Variants in SH3BP4 observed in about 807,000 individuals in gnomAD.
SH3BP4 encodes SH3 domain-binding protein 4.
In SH3BP4, 33 loss-of-function variants were observed where a neutral mutation model predicts 65.5. That is an observed-to-expected ratio of 0.50 (90% CI 0.38 to 0.67). The LOEUF (loss-of-function observed/expected upper bound fraction) is 0.67. Among genes scored for constraint, SH3BP4 ranks in the 30% least tolerant of loss-of-function variants. The pLI, the probability that SH3BP4 is intolerant of heterozygous loss-of-function variation, is 0.00. For missense variants in SH3BP4, 1,134 were observed against 1,261.4 expected (o/e 0.90, Z 1.53); for synonymous variants, 552 against 545.5 (o/e 1.01, Z -0.17).
chr2:235,025,623 G>A (rs1390718516), intron 2 of SH3BP4, among the ~76,000 whole-genome samples: 1 of 152,228 alleles, frequency 6.6e-6, no homozygotes, highest in African/African-American at 2.4e-5. Flanking sequence ...AAATTATAAA[G>A]ACAGAGCAGC....
At chr2:234,963,158 GGTACA>G (rs1186787525) in intron 1 of SH3BP4, among the ~76,000 whole-genome samples, 1 of 152,172 alleles carries the variant, frequency 6.6e-6, no homozygotes, top group East Asian at 1.9e-4. Flanking sequence ...TATAGGTACA[GGTACA>G]GTACCCTGTT....
intron 2 of SH3BP4, among the ~76,000 whole-genome samples, chr2:235,012,931 C>T (rs1694561481): frequency 6.6e-6 from 1 of 152,208 alleles, no homozygotes; most frequent in African/African-American, 2.4e-5. Context: ...GCAGGGCTGG[C>T]CTTTCTGCGC....
intron 1 of SH3BP4, among the ~76,000 whole-genome samples, chr2:234,987,340 A>G (rs1211937881): frequency 6.9e-6 from 1 of 145,708 alleles, no homozygotes; most frequent in Non-Finnish European, 1.5e-5. Flanking sequence ...AAAAAAAAAG[A>G]CAGGGTCCCT....
chr2:235,048,361 C>A (rs755329278), intron 4 of SH3BP4, among the ~76,000 whole-genome samples: 1 of 152,146 alleles, frequency 6.6e-6, no homozygotes, highest in African/African-American at 2.4e-5. Flanking sequence ...GAAAAGGTCT[C>A]GCTCTGTCTC....
chr2:234,965,898 G>A (rs112528087), intron 1 of SH3BP4, among the ~76,000 whole-genome samples: 1 of 152,222 alleles, frequency 6.6e-6, no homozygotes, highest in Admixed American at 6.5e-5. Flanking sequence ...GTCCTCTTGT[G>A]CTACTAGGAT....
intron 1 of SH3BP4, among the ~76,000 whole-genome samples, chr2:234,966,756 G>A (rs189800754): frequency 6.6e-6 from 1 of 152,224 alleles, no homozygotes; most frequent in East Asian, 1.9e-4. Context: ...GAATTATAAG[G>A]GTCTTTTGAA....
intron 1 of SH3BP4, among the ~76,000 whole-genome samples, chr2:234,962,896 G>A (rs1692747482): frequency 6.6e-6 from 1 of 151,792 alleles, no homozygotes; most frequent in Non-Finnish European, 1.5e-5. Context: ...TAATATTTTA[G>A]TAGAGACACA....
At chr2:235,010,391 T>A (rs1694442353) in intron 2 of SH3BP4, among the ~76,000 whole-genome samples, 1 of 152,182 alleles carries the variant, frequency 6.6e-6, no homozygotes, top group Non-Finnish European at 1.5e-5. Flanking sequence ...AACTACTCGG[T>A]CCAGCTGTTT....
chr2:234,995,834 C>T (rs1360886754), intron 2 of SH3BP4: 1 of 152,312 alleles, frequency 6.6e-6, no homozygotes, highest in East Asian at 1.9e-4. Context: ...TCACGTCGCC[C>T]TGCGACGAGA....
Position 235,043,206 on chromosome 2 carries a change from G to C in SH3BP4, c.2437G>C (p.Glu813Gln). ...EKLKEDCNNT[E>Q]NKERKSFQKE... ...GCTGAAGGAGGACTGTAACAACACT[G>C]AGAACAAAGAACGGAAGTCCTTCCA... The change falls in exon 4 of 6, where the codon GAG (glutamate) becomes CAG (glutamine). Residue 813 changes from glutamate to glutamine, a missense_variant. Transcript: ENST00000392011. 1 of 1,594,298 alleles carries C rather than the reference G, an allele frequency of 6.3e-7. No homozygotes were observed. The highest frequency in any genetic ancestry group is 8.6e-7 in the Non-Finnish European group (1 of 1,167,044).
At chr2:235,009,403 T>C (rs1694402053) in intron 2 of SH3BP4, among the ~76,000 whole-genome samples, 1 of 152,178 alleles carries the variant, frequency 6.6e-6, no homozygotes, top group African/African-American at 2.4e-5. Context: ...AAGAGGATCT[T>C]AAAGGAGAGT....
At chr2:234,985,708 A>G (rs761660475) in intron 1 of SH3BP4, among the ~76,000 whole-genome samples, 2 of 152,154 alleles carry the variant, frequency 1.3e-5, no homozygotes, top group Non-Finnish European at 2.9e-5. Flanking sequence ...GCAGCCCTCG[A>G]TGCACACCTA....
At position 235,015,424 on chromosome 2, in the gene SH3BP4, C is replaced by T. The variant is rs76478510; in HGVS notation, c.-132-19447C>T. Among the ~76,000 whole-genome samples the T allele has an allele frequency of 7.4e-3, 1,133 of 152,266 alleles. 11 individuals carry two copies. The highest frequency in any genetic ancestry group is 0.024 in the African/African-American group (981 of 41,528). On this transcript the variant is annotated intron_variant, in intron 2 of 5. Transcript: ENST00000392011. ...CCACATTATCTCACATGGGAGCCCT[C>T]GCTGCTGTTGTCCCTCCCTATGGTC...
intron 3 of SH3BP4, 52 bp from the exon 4 acceptor site, chr2:235,040,836 G>T: frequency 6.6e-7 from 1 of 1,526,166 alleles, no homozygotes; most frequent in Non-Finnish European, 9.0e-7. Context: ...AAGCTCTCCG[G>T]ACACCCCGCC....
chr2:235,020,414 T>G (rs1022323492), intron 2 of SH3BP4, among the ~76,000 whole-genome samples: 3 of 152,102 alleles, frequency 2.0e-5, no homozygotes, highest in African/African-American at 7.2e-5. Flanking sequence ...GGAGAATTGC[T>G]TGAACCCAGG....
intron 1 of SH3BP4, among the ~76,000 whole-genome samples, chr2:234,959,814 G>C (rs1252603840): frequency 1.3e-5 from 2 of 152,098 alleles, no homozygotes; most frequent in African/African-American, 2.4e-5. Context: ...ACCATGCCTG[G>C]CTAATTTTTG....
rs1695332977 is a variant in SH3BP4 at position 235,035,067 on chromosome 2, C to A, written c.65C>A (p.Thr22Asn). 3 of 1,614,076 alleles carry A rather than the reference C, an allele frequency of 1.9e-6. No individual in the cohort carries two copies. The highest frequency in any genetic ancestry group is 2.7e-5 in the African/African-American group (2 of 74,998). The change falls in exon 3 of 6, where the codon ACC becomes AAC. Residue 22 changes from threonine (T) to asparagine (N), a missense_variant. By Grantham distance (65) the Thr-to-Asn change is moderately conservative (BLOSUM62 0). Transcript: ENST00000392011. The surrounding 1 kb of genome is among the most constrained non-coding windows in gnomAD (Gnocchi z 5.0). ...NGLPRCKSEG[T>N]LIDLSEGFSE... is the part of the protein sequence containing the mutation. Reference sequence around the variant, plus strand: ...CTCCCTCGCTGCAAGTCAGAGGGGACCCTGATTGACCTGAGCGAAGGGTTT... The same window carrying A: ...CTCCCTCGCTGCAAGTCAGAGGGGAACCTGATTGACCTGAGCGAAGGGTTT...
intron 2 of SH3BP4, among the ~76,000 whole-genome samples, chr2:235,031,550 T>A (rs1211834976): frequency 6.6e-6 from 1 of 152,222 alleles, no homozygotes; most frequent in Admixed American, 6.5e-5. Flanking sequence ...TGGACAAGAC[T>A]GACCCTTCAC....
At chr2:235,021,707 T>G (rs905659226) in intron 2 of SH3BP4, among the ~76,000 whole-genome samples, 4 of 151,984 alleles carry the variant, frequency 2.6e-5, no homozygotes, top group Non-Finnish European at 4.4e-5. Context: ...AATAGAATAG[T>G]GCATAGAAGC....
Sources: gnomAD v4.1 joint callset for allele counts (sites outside exome capture counted in the v4.1 genomes callset) on GRCh38, gnomAD v4.1.1 for gene constraint, Gnocchi (gnomAD v3.1) non-coding constraint, MANE v1.5 for transcripts, NCBI Gene and HGNC (gene_info 2026-07-23, HGNC 2026-07-21) for gene names.